PTPRD: variants seen among roughly 807,000 people sequenced by gnomAD.
The protein encoded by PTPRD is protein tyrosine phosphatase receptor type D, also known as receptor-type tyrosine-protein phosphatase delta.
A neutral mutation model predicts 214.5 loss-of-function variants in PTPRD; 34 were observed. That is an observed-to-expected ratio of 0.16 (90% confidence interval 0.12 to 0.21). PTPRD has a LOEUF of 0.21. Among genes scored for constraint, PTPRD ranks in the 10% least tolerant of loss-of-function variants. The probability of loss-of-function intolerance (pLI) is 1.00; values close to 1 mark genes in which losing one functional copy is unlikely to be tolerated. For missense variants in PTPRD, 2,545 were observed against 2,398.7 expected (o/e 1.06, Z -1.27); for synonymous variants, 1,128 against 845.7 (o/e 1.33, Z -5.79).
intron 11 of PTPRD, among the ~76,000 whole-genome samples, chr9:8,740,398 T>C (rs908402994): frequency 6.6e-6 from 1 of 152,170 alleles, no homozygotes; most frequent in African/African-American, 2.4e-5. Context: ...ATGAAATAAT[T>C]TGTATAGTTG....
rs141546575 is a variant in PTPRD, at chr9:9,148,555, T to G, written c.-143+34749A>C. On this transcript the variant is annotated intron_variant, in intron 10 of 45. Transcript: ENST00000381196. Reference sequence around the variant, plus strand: ...CCCATATGGCTGACATTTTTGCATCTACTATTGAAGATGAGACTGCTTGGT... The same window carrying G: ...CCCATATGGCTGACATTTTTGCATCGACTATTGAAGATGAGACTGCTTGGT... Among the ~76,000 whole-genome samples the G allele has an allele frequency of 2.7e-4, 41 of 152,320 alleles. No individual in the cohort carries two copies. In the East Asian group the frequency reaches 7.5e-3, roughly 28 times the overall value.
intron 14 of PTPRD, among the ~76,000 whole-genome samples, chr9:8,570,573 T>A (rs2090823692): frequency 6.6e-6 from 1 of 152,146 alleles, no homozygotes; most frequent in Admixed American, 6.5e-5. Context: ...ACATTTTTTT[T>A]TACACCAATG....
chr9:10,026,114 A>T (rs554756105), intron 4 of PTPRD, among the ~76,000 whole-genome samples: 4 of 152,328 alleles, frequency 2.6e-5, no homozygotes, highest in Non-Finnish European at 4.4e-5. Flanking sequence ...CTGATGAGAA[A>T]GTGCCAGCTT....
chr9:9,207,059 T>A (rs2099945305), intron 9 of PTPRD, among the ~76,000 whole-genome samples: 1 of 152,146 alleles, frequency 6.6e-6, no homozygotes, highest in African/African-American at 2.4e-5. Context: ...GATTCTGGAT[T>A]TATTTTGAAA....
chr9:9,432,892 A>G (rs1262074539), intron 8 of PTPRD, among the ~76,000 whole-genome samples: 1 of 152,224 alleles, frequency 6.6e-6, no homozygotes, highest in African/African-American at 2.4e-5. Flanking sequence ...GGGATCAGGA[A>G]ATCGTTATAA....
chr9:9,922,678 A>G (rs2082903637), intron 5 of PTPRD, among the ~76,000 whole-genome samples: 1 of 152,120 alleles, frequency 6.6e-6, no homozygotes, highest in Admixed American at 6.6e-5. Context: ...ATAACAAAAA[A>G]GTTATTGGAA....
rs1208273118 is a variant in PTPRD at position 9,292,426 on chromosome 9, CT to C, written c.-203+105022del. Among the ~76,000 whole-genome samples, 3 of 151,170 alleles carry C rather than the reference CT, an allele frequency of 2.0e-5. No homozygotes were observed. The East Asian group carries it at 5.9e-4, about 30-fold the overall frequency. On this transcript the variant is annotated intron_variant, in intron 9 of 45. Transcript: ENST00000381196. Reference sequence around the variant, plus strand: ...CAGTAACACATAAGAGGTTTTCTTTCTGTTAGTTTACCAAGAGAGTATTTTT... The same window carrying C: ...CAGTAACACATAAGAGGTTTTCTTTCGTTAGTTTACCAAGAGAGTATTTTT...
At chr9:8,456,135 T>C (rs12685186) in intron 33 of PTPRD, among the ~76,000 whole-genome samples, 17,557 of 152,192 alleles carry the variant, frequency 0.12, 1,161 homozygotes, top group South Asian at 0.15. Context: ...TTCAATATTT[T>C]TGTGTGCCAG....
At chr9:10,130,840 A>T (rs2098865625) in intron 3 of PTPRD, among the ~76,000 whole-genome samples, 1 of 152,122 alleles carries the variant, frequency 6.6e-6, no homozygotes, top group Non-Finnish European at 1.5e-5. Context: ...GAGGCACTGG[A>T]AATGGAAATT....
chr9:8,802,467 GA>G (rs1227131739), intron 11 of PTPRD, among the ~76,000 whole-genome samples: 12 of 152,162 alleles, frequency 7.9e-5, no homozygotes, highest in Admixed American at 2.6e-4. Flanking sequence ...TAAAGGCAAA[GA>G]AAGGAATCAC....
intron 3 of PTPRD, among the ~76,000 whole-genome samples, chr9:10,237,973 T>C (rs923001441): frequency 3.3e-5 from 5 of 151,838 alleles, no homozygotes; most frequent in African/African-American, 9.7e-5. Flanking sequence ...TATTCAAAAG[T>C]AGGCATTTGC....
intron 6 of PTPRD, among the ~76,000 whole-genome samples, chr9:9,740,880 A>G (rs971109668): frequency 2.6e-5 from 4 of 152,198 alleles, no homozygotes; most frequent in African/African-American, 9.7e-5. Context: ...CATATTCTAA[A>G]CAGAGAAAAT....
intron 8 of PTPRD, among the ~76,000 whole-genome samples, chr9:9,444,316 G>A (rs527350805): frequency 6.6e-5 from 10 of 152,060 alleles, no homozygotes; most frequent in Non-Finnish European, 1.3e-4. Context: ...AAATGAGTCC[G>A]ATAAATATGA....
chr9:9,438,015 C>T (rs1324286215), intron 8 of PTPRD, among the ~76,000 whole-genome samples: 1 of 152,224 alleles, frequency 6.6e-6, no homozygotes, highest in East Asian at 1.9e-4. Context: ...TGTTCTAGGC[C>T]TTTCTCCTTA....
In PTPRD at chr9:8,528,592, T is replaced by G. The variant is rs2074872487; in HGVS notation, c.540A>C (p.Ser180=). 6.2e-7 allele frequency: 1 copy of G among 1,613,594 alleles called. No homozygotes were observed. The highest frequency in any genetic ancestry group is 2.2e-5 in the East Asian group (1 of 44,856). ...NNNGRIKQLR[S]ESIGGTPIRG... is the part of the protein sequence containing the mutation. ...GTAGAAACAGTAACAAGACCCTACC[T>G]GATCGTAACTGCTTAATACGACCAT... is the stretch of plus-strand genomic sequence containing the variant. The change falls in exon 15 of 46, where the codon TCA becomes TCC. Residue 180 remains serine, a splice_region_variant and synonymous_variant. Coordinates refer to ENST00000381196, the MANE Select transcript of PTPRD (RefSeq NM_002839.4).
At chr9:9,795,015 G>C (rs1298010990) in intron 5 of PTPRD, among the ~76,000 whole-genome samples, 1 of 152,212 alleles carries the variant, frequency 6.6e-6, no homozygotes, top group East Asian at 1.9e-4. Flanking sequence ...CCAACAGCTT[G>C]AGCTTCAATG....
intron 11 of PTPRD, among the ~76,000 whole-genome samples, chr9:8,898,127 T>A (rs1053238845): frequency 1.3e-5 from 2 of 152,178 alleles, no homozygotes; most frequent in African/African-American, 4.8e-5. Context: ...CCCCTCCTCA[T>A]CCCTTGTCAG....
At chr9:10,585,655 T>C (rs1310867702) in intron 2 of PTPRD, among the ~76,000 whole-genome samples, 2 of 151,932 alleles carry the variant, frequency 1.3e-5, no homozygotes, top group Non-Finnish European at 2.9e-5. Flanking sequence ...AAATTTAAAG[T>C]ATCTCTAAAT....
chr9:8,363,700 C>G (rs1272060406), intron 39 of PTPRD, among the ~76,000 whole-genome samples: 1 of 152,114 alleles, frequency 6.6e-6, no homozygotes, highest in African/African-American at 2.4e-5. Flanking sequence ...GACCAATGTC[C>G]TATTGGGGCT....
Sources: gnomAD v4.1 joint callset for allele counts (sites outside exome capture counted in the v4.1 genomes callset) on GRCh38, gnomAD v4.1.1 for gene constraint, MANE v1.5 for transcripts, NCBI Gene and HGNC (gene_info 2026-07-23, HGNC 2026-07-21) for gene names.